CFAP58: variants seen among roughly 807,000 people sequenced by gnomAD.
CFAP58 encodes the protein cilia- and flagella-associated protein 58.
CFAP58 carries 88 observed loss-of-function variants against 119.5 expected under a neutral mutation model. That is an observed-to-expected ratio of 0.74 (90% confidence interval 0.62 to 0.88). CFAP58 has a LOEUF of 0.88. CFAP58 is among the 40% of genes least tolerant of loss of function. The pLI is 0.00. For synonymous variants in CFAP58, 365 were observed against 366.3 expected (o/e 1.00, Z 0.04); for missense variants, 990 against 1,021.2 (o/e 0.97, Z 0.42).
At chr10:104,390,495 T>A (rs1401984131) in intron 9 of CFAP58, among the ~76,000 whole-genome samples, 1 of 152,242 alleles carries the variant, frequency 6.6e-6, no homozygotes, top group Admixed American at 6.5e-5. Context: ...TATTTTGATC[T>A]GTTTCCTTCT....
chr10:104,401,840 G>GA lies in CFAP58; in HGVS notation c.2039+943dup, dbSNP rs529729757. Among the ~76,000 whole-genome samples, 288 of 151,800 alleles carry GA rather than the reference G, an allele frequency of 1.9e-3. 1 individual carries two copies. The highest frequency in any genetic ancestry group is 3.4e-3 in the Non-Finnish European group (230 of 67,938). ...CATTGTAGAAAATGTGAGAAATGCA[G>GA]AAAAAATATAAAGAAGGGATTAGAA... is the stretch of plus-strand genomic sequence containing the variant. On this transcript the variant is annotated intron_variant, in intron 13 of 17. Transcript: ENST00000369704.
chr10:104,437,060 A>G (rs936382435), intron 15 of CFAP58, among the ~76,000 whole-genome samples: 1 of 152,246 alleles, frequency 6.6e-6, no homozygotes, highest in African/African-American at 2.4e-5. Flanking sequence ...TATTTCATAT[A>G]AGTTCAAATC....
chr10:104,440,179 G>A (rs12267678), intron 15 of CFAP58, among the ~76,000 whole-genome samples: 27,746 of 148,538 alleles, frequency 0.19, 2,584 homozygotes, highest in Middle Eastern at 0.32. Context: ...TACCGTCTAC[G>A]CATGCTAACG....
chr10:104,386,123 A>T (rs2133021838), intron 9 of CFAP58, among the ~76,000 whole-genome samples: 1 of 151,022 alleles, frequency 6.6e-6, no homozygotes, highest in African/African-American at 2.4e-5. Flanking sequence ...CATGCCTGTA[A>T]TCCCAGCACT....
upstream of CFAP58, chr10:104,352,023 A>T (rs2014465873): frequency 6.6e-6 from 1 of 152,254 alleles, no homozygotes; most frequent in African/African-American, 2.4e-5. Context: ...TAGCCTATGA[A>T]TGTATAAAGA....
At position 104,358,410 on chromosome 10, in the gene CFAP58, C is replaced by T. The variant is rs751357470; in HGVS notation, c.79C>T (p.Leu27Phe). Residue 27 changes from leucine (L) to phenylalanine (F), a missense_variant, in exon 2 of 18, where the codon CTC (leucine) becomes TTC (phenylalanine). Leu to Phe is a conservative substitution (Grantham distance 22). Transcript: ENST00000369704. ...AATGGAAAGAGATTTTCAGGGAGTT[C>T]TCCATGAACTTTCTGGAGACAAAAG... ...EEMERDFQGVLHELSGDKSLE... is the reference protein window; with the variant it reads ...EEMERDFQGVFHELSGDKSLE... 14 of 1,613,996 alleles carry T rather than the reference C, an allele frequency of 8.7e-6. No homozygotes were observed. The highest frequency in any genetic ancestry group is 7.6e-6 in the Non-Finnish European group (9 of 1,179,990).
In CFAP58 at chr10:104,450,070, G is replaced by C; in HGVS notation, c.2377-1G>C. On this transcript the variant is annotated splice_acceptor_variant, in intron 16 of 17. Transcript: ENST00000369704. LOFTEE classifies it high-confidence loss of function. The stretch of plus-strand genomic sequence containing the variant: ...TAATGCTGCTTTATTTGCCATGTTA[G>C]GTTTTGTCTTCAGAATTGAATATGT... The C allele has an allele frequency of 6.3e-7, 1 of 1,589,904 alleles. No homozygotes were observed. Among genetic ancestry groups the C allele is most frequent in the Non-Finnish European group, 8.5e-7 (1 of 1,172,782 alleles).
chr10:104,451,744 C>G (rs1005248232), intron 17 of CFAP58, among the ~76,000 whole-genome samples: 1 of 152,122 alleles, frequency 6.6e-6, no homozygotes, highest in African/African-American at 2.4e-5. Context: ...ATCAGTAAAA[C>G]TCTTTTTTTG....
intron 9 of CFAP58, chr10:104,382,100 C>T: frequency 1.4e-6 from 1 of 717,412 alleles, no homozygotes; most frequent in Non-Finnish European, 2.6e-6. Flanking sequence ...CAGCTGCATC[C>T]CTCCTTTTTG....
At chr10:104,413,623 C>T (rs2012495765) in intron 15 of CFAP58, among the ~76,000 whole-genome samples, 1 of 152,062 alleles carries the variant, frequency 6.6e-6, no homozygotes, top group African/African-American at 2.4e-5. Context: ...GGATTAATGA[C>T]TTCTTTTTTC....
chr10:104,365,744 G>A, intron 4 of CFAP58, 70 bp from the exon 5 acceptor site: 5 of 1,372,656 alleles, frequency 3.6e-6, no homozygotes, highest in Non-Finnish European at 5.0e-6. Flanking sequence ...AGAGGAGGGG[G>A]CTTGGCTGGC....
chr10:104,350,055 C>G (rs879831782), upstream of CFAP58, among the ~76,000 whole-genome samples: 5 of 152,194 alleles, frequency 3.3e-5, no homozygotes, highest in African/African-American at 4.8e-5. Flanking sequence ...TCAGTGCTTA[C>G]TATATCCTGT....
Position 104,368,472 on chromosome 10 carries a change from A to G in CFAP58, c.842A>G (p.Asn281Ser). ...GAACTCGAGCAATTTCAGATGAGAAATGCTAAACTTCAGCAAGAGAATGAA... is the reference window on the plus strand; with the variant it reads ...GAACTCGAGCAATTTCAGATGAGAAGTGCTAAACTTCAGCAAGAGAATGAA... Reference protein sequence around the residue: ...AKELEQFQMRNAKLQQENEQH... With the variant: ...AKELEQFQMRSAKLQQENEQH... Residue 281 changes from asparagine (N) to serine (S), a missense_variant, in exon 6 of 18, where the codon AAT becomes AGT. Transcript: ENST00000369704. 1 of 1,613,992 alleles carries G rather than the reference A, an allele frequency of 6.2e-7. No individual in the cohort carries two copies. Among genetic ancestry groups the G allele is most frequent in the African/African-American group, 1.3e-5 (1 of 75,054 alleles).
chr10:104,424,713 A>G (rs1050253057), intron 15 of CFAP58, among the ~76,000 whole-genome samples: 4 of 152,202 alleles, frequency 2.6e-5, no homozygotes, highest in African/African-American at 9.7e-5. Flanking sequence ...CTGGATACTG[A>G]CAATAGGGAG....
At chr10:104,393,541 T>A in intron 11 of CFAP58, 66 bp downstream of exon 11, 1 of 1,491,656 alleles carries the variant, frequency 6.7e-7, no homozygotes, top group Non-Finnish European at 9.1e-7. Flanking sequence ...GCCTCCAGTC[T>A]CACTGAAGGC....
chr10:104,349,440 G>A (rs936470417), upstream of CFAP58, among the ~76,000 whole-genome samples: 2 of 152,064 alleles, frequency 1.3e-5, no homozygotes, highest in Non-Finnish European at 2.9e-5. Flanking sequence ...CACATACCTC[G>A]TGTCTCTTTG....
intron 17 of CFAP58, among the ~76,000 whole-genome samples, chr10:104,450,713 T>A (rs1183314458): frequency 9.7e-6 from 1 of 103,364 alleles, no homozygotes; most frequent in Admixed American, 8.6e-5. Flanking sequence ...TTATTTATTT[T>A]TGATTTTTTT....
At chr10:104,406,579 G>C in intron 14 of CFAP58, 110 bp from the exon 15 acceptor site, 1 of 793,738 alleles carries the variant, frequency 1.3e-6, no homozygotes, top group Non-Finnish European at 2.1e-6. Flanking sequence ...TCTGTATTAG[G>C]TCTGCAGGTT....
At chr10:104,401,758 CTT>C (rs905060949) in intron 13 of CFAP58, among the ~76,000 whole-genome samples, 1 of 141,520 alleles carries the variant, frequency 7.1e-6, no homozygotes, top group African/African-American at 2.7e-5. Flanking sequence ...AATACTTTTT[CTT>C]TTTTTTTTTC....
Sources: gnomAD v4.1 joint callset for allele counts (sites outside exome capture counted in the v4.1 genomes callset) on GRCh38, gnomAD v4.1.1 for gene constraint, MANE v1.5 for transcripts, NCBI Gene and HGNC (gene_info 2026-07-23, HGNC 2026-07-21) for gene names.